Variants in CFAP47 observed in about 807,000 individuals in gnomAD.
The protein encoded by CFAP47 is cilia- and flagella-associated protein 47.
In CFAP47, 29 loss-of-function variants were observed where a neutral mutation model predicts 148.1. The observed-to-expected ratio is 0.20, with a 90% CI of 0.15 to 0.27. CFAP47 has a LOEUF of 0.27. Among genes scored for constraint, CFAP47 ranks in the 10% least tolerant of loss-of-function variants. The pLI is 1.00. For synonymous variants in CFAP47, 664 were observed against 577.3 expected (o/e 1.15, Z -2.15); for missense variants, 1,872 against 1,697.5 (o/e 1.10, Z -1.81).
chrX:36,059,402 A>G (rs1281809445), intron 26 of CFAP47, among the ~76,000 whole-genome samples: 1 of 111,842 alleles, frequency 8.9e-6, no homozygotes. Flanking sequence ...ATTAACCCAT[A>G]TAGGGTATGT....
chrX:36,333,095 C>G (rs1227849741), intron 57 of CFAP47, among the ~76,000 whole-genome samples: 1 of 111,692 alleles, frequency 9.0e-6, no homozygotes, highest in Non-Finnish European at 1.9e-5. Flanking sequence ...TATCTTTCTT[C>G]CATGTGGAAG....
chrX:36,118,370 G>A (rs1312517021), intron 33 of CFAP47, among the ~76,000 whole-genome samples: 2 of 111,692 alleles, frequency 1.8e-5, no homozygotes, highest in African/African-American at 6.5e-5. Flanking sequence ...CCCAACCCAT[G>A]AACATGGAAT....
intron 27 of CFAP47, among the ~76,000 whole-genome samples, chrX:36,070,925 C>T (rs1172446346): frequency 8.9e-6 from 1 of 112,174 alleles, no homozygotes; most frequent in African/African-American, 3.2e-5. Context: ...CTAGAAATTT[C>T]TGCATAAACC....
intron 40 of CFAP47, among the ~76,000 whole-genome samples, chrX:36,180,554 T>C (rs771306009): frequency 8.9e-6 from 1 of 112,291 alleles, no homozygotes; most frequent in Admixed American, 9.5e-5. Flanking sequence ...CCAGTGTCAT[T>C]AGAAACCGTT....
intron 57 of CFAP47, among the ~76,000 whole-genome samples, chrX:36,345,352 G>A (rs996722501): frequency 3.6e-5 from 4 of 111,308 alleles, no homozygotes; most frequent in South Asian, 3.8e-4. Flanking sequence ...TTTGGCATGA[G>A]ACTGTTCTGC....
chrX:36,231,847 C>T (rs1940365983), intron 46 of CFAP47, among the ~76,000 whole-genome samples: 1 of 111,279 alleles, frequency 9.0e-6, no homozygotes, highest in African/African-American at 3.3e-5. Flanking sequence ...TGTCAAAGGC[C>T]TTTTCTGCAT....
At chrX:36,182,129 C>T (rs776786408) in intron 40 of CFAP47, among the ~76,000 whole-genome samples, 12 of 111,981 alleles carry the variant, frequency 1.1e-4, no homozygotes, top group African/African-American at 2.6e-4. Context: ...TCCAGAGCTC[C>T]GACAATCAAA....
intron 62 of CFAP47, among the ~76,000 whole-genome samples, chrX:36,371,887 C>CATATACACACATGTGTATATATGTGTGT (rs1569329761): frequency 6.1e-5 from 3 of 49,457 alleles, no homozygotes; most frequent in Non-Finnish European, 9.0e-5. Context: ...TATATGTGTG[C>CATATACACACATGTGTATATATGTGTGT]ATATACACAC....
chrX:36,310,196 T>C (rs1941382211), intron 55 of CFAP47, among the ~76,000 whole-genome samples: 1 of 110,977 alleles, frequency 9.0e-6, no homozygotes, highest in Admixed American at 9.7e-5. Flanking sequence ...GGGACTTTTA[T>C]CCTAAAATAC....
intron 8 of CFAP47, among the ~76,000 whole-genome samples, chrX:35,957,937 T>G (rs1936270307): frequency 9.0e-6 from 1 of 111,605 alleles, no homozygotes; most frequent in South Asian, 3.7e-4. Context: ...AGTATACAAT[T>G]CAGTGATATT....
intron 15 of CFAP47, among the ~76,000 whole-genome samples, chrX:35,981,550 CA>C (rs1936645065): frequency 9.1e-6 from 1 of 110,267 alleles, no homozygotes. Context: ...ATTTTAGGTT[CA>C]GGGGTACATG....
rs377601530 is a variant in CFAP47 at position 35,937,104 on chromosome X, G to GTTT, written c.402-4152_402-4150dup. 8.1e-4 allele frequency among the ~76,000 whole-genome samples: 45 copies of GTTT among 55,541 alleles called. 4 individuals carry two copies. Among genetic ancestry groups the GTTT allele is most frequent in the African/African-American group, 2.1e-3 (33 of 15,700 alleles). 48.2% of individuals were successfully genotyped at this position (55,541 alleles called of 115,157 possible). ...TCAGATATAGCTGCTTGCAATTGCT[G>GTTT]TTTTTTTTTTTTTTTTTTTTTTTTT... On this transcript the variant is annotated intron_variant, in intron 2 of 63. Coordinates refer to ENST00000378653, the MANE Select transcript of CFAP47 (RefSeq NM_001304548.2).
intron 21 of CFAP47, among the ~76,000 whole-genome samples, chrX:36,002,691 T>A (rs1810519214): frequency 8.9e-6 from 1 of 111,793 alleles, no homozygotes; most frequent in Non-Finnish European, 1.9e-5. Context: ...GATTCTTATG[T>A]CAAAACTTTT....
intron 45 of CFAP47, among the ~76,000 whole-genome samples, chrX:36,216,986 A>C (rs913487172): frequency 5.5e-4 from 62 of 112,044 alleles, no homozygotes; most frequent in Middle Eastern, 4.6e-3. Context: ...CCAGGTAGGA[A>C]GGGGATTTGT....
chrX:36,353,001 A>G (rs111338994), intron 59 of CFAP47, among the ~76,000 whole-genome samples: 5,201 of 110,587 alleles, frequency 0.047, 115 homozygotes, highest in Middle Eastern at 0.099. Flanking sequence ...TAATTTGAAT[A>G]TGAATTTCAT....
intron 51 of CFAP47, among the ~76,000 whole-genome samples, chrX:36,286,065 C>A (rs1432432860): frequency 2.7e-5 from 3 of 111,192 alleles, no homozygotes; most frequent in African/African-American, 9.8e-5. Flanking sequence ...TTCAGCATTG[C>A]TTTTTCCTGG....
chrX:36,225,346 C>G (rs782670673), intron 45 of CFAP47, among the ~76,000 whole-genome samples: 26 of 111,621 alleles, frequency 2.3e-4, no homozygotes, highest in African/African-American at 8.1e-4. Context: ...CCTTGAAGAC[C>G]AAGTTTGAAT....
intron 33 of CFAP47, among the ~76,000 whole-genome samples, chrX:36,120,087 C>A (rs1938714088): frequency 9.1e-6 from 1 of 109,387 alleles, no homozygotes; most frequent in African/African-American, 3.3e-5. Flanking sequence ...GCTCCGCCTC[C>A]CAGGTTCAGG....
chrX:36,384,029 T>C (rs1216693716), intron 63 of CFAP47, among the ~76,000 whole-genome samples: 1 of 111,894 alleles, frequency 8.9e-6, no homozygotes, highest in African/African-American at 3.2e-5. Context: ...ACATCATTTG[T>C]GGTATATTAA....
Sources: allele counts gnomAD v4.1 joint callset (sites outside exome capture counted in the v4.1 genomes callset), GRCh38; gene constraint gnomAD v4.1.1; transcripts MANE v1.5; gene names NCBI Gene and HGNC (gene_info 2026-07-23, HGNC 2026-07-21).